LGSN: variants seen among roughly 807,000 people sequenced by gnomAD.
The protein encoded by LGSN is lengsin, lens protein with glutamine synthetase domain.
LGSN carries 21 observed loss-of-function variants against 19.5 expected under a neutral mutation model. The ratio of observed to expected loss-of-function variants is 1.07; its 90% CI spans 0.76 to 1.55. LGSN has a LOEUF of 1.55. Ranked by LOEUF, LGSN falls within the 40% of genes most tolerant of loss-of-function variation. The pLI is 0.00. For missense variants in LGSN, 673 were observed against 608.5 expected, an observed-to-expected ratio of 1.11 and a Z score of -1.12; for synonymous variants, 257 against 215.6, an observed-to-expected ratio of 1.19 and a Z score of -1.68.
chr6:63,430,898 G>A, the LGSN span, among the ~76,000 whole-genome samples: 1 of 152,124 alleles, frequency 6.6e-6, no homozygotes, highest in Non-Finnish European at 1.5e-5. Context: ...GGTATTTGGT[G>A]GGTGCCTTGT....
At chr6:63,438,287 G>C in the LGSN span, among the ~76,000 whole-genome samples, 1 of 152,122 alleles carries the variant, frequency 6.6e-6, no homozygotes, top group African/African-American at 2.4e-5. Context: ...TCAGGACATA[G>C]GCATGGGTAA....
At chr6:63,511,761 G>A in the LGSN span, among the ~76,000 whole-genome samples, 3 of 152,064 alleles carry the variant, frequency 2.0e-5, no homozygotes, top group African/African-American at 7.2e-5. Flanking sequence ...TTTTTACTGT[G>A]TAATTTTTCT....
At chr6:63,526,803 G>GTGTA in the LGSN span, among the ~76,000 whole-genome samples, 5 of 101,446 alleles carry the variant, frequency 4.9e-5, no homozygotes, top group Admixed American at 1.0e-4. Flanking sequence ...TCTCAAAAAT[G>GTGTA]TATATATATA....
At chr6:63,511,981 G>T in the LGSN span, among the ~76,000 whole-genome samples, 1 of 152,134 alleles carries the variant, frequency 6.6e-6, no homozygotes, top group South Asian at 2.1e-4. Context: ...GAAACTGTAA[G>T]GATACTTATT....
the LGSN span, among the ~76,000 whole-genome samples, chr6:63,558,642 A>G: frequency 1.3e-5 from 2 of 152,230 alleles, no homozygotes; most frequent in Non-Finnish European, 2.9e-5. Context: ...AGCTCAGAAG[A>G]GAAGACTTTA....
chr6:63,416,859 C>T, the LGSN span, among the ~76,000 whole-genome samples: 1 of 151,960 alleles, frequency 6.6e-6, no homozygotes, highest in Non-Finnish European at 1.5e-5. Context: ...TGAGCCACCG[C>T]ACCTGGCCTA....
chr6:63,401,510 A>C, the LGSN span, among the ~76,000 whole-genome samples: 2 of 152,248 alleles, frequency 1.3e-5, no homozygotes, highest in Non-Finnish European at 2.9e-5. Context: ...CCATTAATCA[A>C]ACTAAGAGTG....
the LGSN span, among the ~76,000 whole-genome samples, chr6:63,439,132 C>T: frequency 2.0e-5 from 3 of 151,934 alleles, no homozygotes; most frequent in East Asian, 5.8e-4. Flanking sequence ...CATATTCTCA[C>T]TCATAGGTGG....
the LGSN span, among the ~76,000 whole-genome samples, chr6:63,383,470 C>T: frequency 6.6e-6 from 1 of 151,716 alleles, no homozygotes; most frequent in African/African-American, 2.4e-5. Flanking sequence ...AAGAATACAC[C>T]AGAACAGAAT....
At chr6:63,399,105 C>A in the LGSN span, among the ~76,000 whole-genome samples, 22 of 152,130 alleles carry the variant, frequency 1.4e-4, no homozygotes, top group Admixed American at 9.2e-4. Flanking sequence ...TCGCACGTGG[C>A]CTCATTTTTT....
the LGSN span, chr6:63,394,872 G>A: frequency 2.6e-5 from 4 of 152,482 alleles, no homozygotes; most frequent in African/African-American, 9.6e-5. Context: ...AGGGCCTGGG[G>A]GGCGTCCGCC....
the LGSN span, among the ~76,000 whole-genome samples, chr6:63,372,436 T>A: frequency 6.6e-6 from 1 of 152,070 alleles, no homozygotes; most frequent in African/African-American, 2.4e-5. Flanking sequence ...AATAAATTGA[T>A]CTGAATTTTT....
the LGSN span, among the ~76,000 whole-genome samples, chr6:63,358,918 A>T: frequency 6.6e-6 from 1 of 152,168 alleles, no homozygotes; most frequent in African/African-American, 2.4e-5. Context: ...GCCAGTTTTC[A>T]AAGGGAATGC....
chr6:63,313,863 AATAAATACATAC>A (rs1323013663), intron 1 of LGSN, among the ~76,000 whole-genome samples: 5 of 150,466 alleles, frequency 3.3e-5, no homozygotes, highest in African/African-American at 7.4e-5. Context: ...TAAATAAATA[AATAAATACATAC>A]ATACATACAT....
chr6:63,533,324 G>A, the LGSN span, among the ~76,000 whole-genome samples: 5 of 152,168 alleles, frequency 3.3e-5, no homozygotes, highest in Admixed American at 2.6e-4. Context: ...AGAGGTTACA[G>A]TGAGCCAAGA....
chr6:63,532,968 G>A, the LGSN span, among the ~76,000 whole-genome samples: 2 of 152,210 alleles, frequency 1.3e-5, no homozygotes, highest in Admixed American at 6.5e-5. Context: ...TATGGCATGG[G>A]AAGGAGGGGT....
At chr6:63,403,784 C>T in the LGSN span, among the ~76,000 whole-genome samples, 2 of 152,170 alleles carry the variant, frequency 1.3e-5, no homozygotes, top group East Asian at 1.9e-4. Flanking sequence ...AAAGTATTCC[C>T]GTGATTCCCA....
Position 63,301,278 on chromosome 6 carries a change from G to T in LGSN, c.31-6233C>A, listed in dbSNP as rs940085744. 2.6e-5 allele frequency among the ~76,000 whole-genome samples: 4 copies of T among 152,028 alleles called. No homozygotes were observed. The East Asian group carries it at 5.8e-4, about 22-fold the overall frequency. ...TGCACTTCAGCCTGGGTGACAGAAT[G>T]AGACTCTGTCTTAAAAAAAATAAAT... On this transcript the variant is annotated intron_variant, in intron 1 of 3. Transcript: ENST00000370657.
intron 1 of LGSN, 87 bp downstream of exon 1, chr6:63,319,827 C>A: frequency 1.1e-6 from 1 of 918,712 alleles, no homozygotes. Context: ...TGCCCTTATT[C>A]TTACTGGCAT....
Sources: allele counts gnomAD v4.1 joint callset (sites outside exome capture counted in the v4.1 genomes callset), GRCh38; gene constraint gnomAD v4.1.1; transcripts MANE v1.5; gene names NCBI Gene and HGNC (gene_info 2026-07-23, HGNC 2026-07-21).